The following JPH3 variants were observed in gnomAD, a reference collection of about 807,000 sequenced individuals.
JPH3 encodes junctophilin-3.
Under a neutral mutation model 59.6 loss-of-function variants are expected in JPH3, and 11 were observed. The ratio of observed to expected loss-of-function variants is 0.18; its 90% CI spans 0.12 to 0.31. JPH3 has a LOEUF of 0.31. JPH3 is among the 10% of genes least tolerant of loss of function. The probability of loss-of-function intolerance (pLI) is 1.00; values close to 1 mark genes in which losing one functional copy is unlikely to be tolerated. For missense variants in JPH3, 1,202 were observed against 1,105.7 expected, an observed-to-expected ratio of 1.09 and a Z score of -1.24; for synonymous variants, 673 against 483.6, an observed-to-expected ratio of 1.39 and a Z score of -5.14.
chr16:87,670,736 C>T (rs1173516040), intron 2 of JPH3, among the ~76,000 whole-genome samples: 1 of 152,230 alleles, frequency 6.6e-6, no homozygotes, highest in Non-Finnish European at 1.5e-5. Context: ...TGTGTCACTT[C>T]AACAGGGGCC....
At chr16:87,691,833 G>A (rs576651081) in intron 4 of JPH3, among the ~76,000 whole-genome samples, 24 of 152,126 alleles carry the variant, frequency 1.6e-4, no homozygotes, top group Non-Finnish European at 2.9e-4. Flanking sequence ...CATCGCAGCC[G>A]GAGATGTGTG....
At chr16:87,653,712 A>G (rs2032401197) in intron 2 of JPH3, 2 of 152,228 alleles carry the variant, frequency 1.3e-5, no homozygotes, top group Admixed American at 6.5e-5. Context: ...CATGCCAGTT[A>G]ATGTGATCGT....
chr16:87,628,357 C>T (rs1157902397), intron 1 of JPH3, among the ~76,000 whole-genome samples: 1 of 152,250 alleles, frequency 6.6e-6, no homozygotes, highest in Non-Finnish European at 1.5e-5. Flanking sequence ...CGGTGCCCTC[C>T]CTAGCTGCCG....
chr16:87,658,755 C>G (rs866244197), intron 2 of JPH3, among the ~76,000 whole-genome samples: 5 of 152,232 alleles, frequency 3.3e-5, no homozygotes, highest in African/African-American at 9.6e-5. Flanking sequence ...CTAAGCCCCT[C>G]TCTCCTCCAG....
intron 2 of JPH3, among the ~76,000 whole-genome samples, chr16:87,657,828 TAGCTGCAAGGG>T (rs2032557314): frequency 6.6e-6 from 1 of 152,202 alleles, no homozygotes; most frequent in African/African-American, 2.4e-5. Flanking sequence ...TGACCACACC[TAGCTGCAAGGG>T]AGGCTGGGAA....
At chr16:87,636,435 C>T (rs1370704979) in intron 1 of JPH3, among the ~76,000 whole-genome samples, 3 of 152,190 alleles carry the variant, frequency 2.0e-5, no homozygotes, top group Admixed American at 1.3e-4. Flanking sequence ...TCAATAGCTC[C>T]GTCACAGTGG....
rs114591614 is a variant in JPH3, at chr16:87,665,715, G to T, written c.1161-18427G>T. 4.3e-3 allele frequency among the ~76,000 whole-genome samples: 652 copies of T among 152,288 alleles called. 3 individuals are homozygous for T. Among genetic ancestry groups the T allele is most frequent in the African/African-American group, 0.015 (623 of 41,566 alleles). The stretch of plus-strand genomic sequence containing the variant: ...CCACGGCTCAGCATGGTCTAGAACT[G>T]CCCCCTCTTCCTCCCGGCTGCCCCG... On this transcript the variant is annotated intron_variant, in intron 2 of 4. Coordinates refer to ENST00000284262, the MANE Select transcript of JPH3 (RefSeq NM_020655.4).
intron 2 of JPH3, among the ~76,000 whole-genome samples, chr16:87,677,209 CACA>C: frequency 8.1e-6 from 1 of 123,456 alleles, no homozygotes; most frequent in East Asian, 2.7e-4. Context: ...CACACACACA[CACA>C]CACACACACA....
At chr16:87,626,796 G>A (rs748161139) in intron 1 of JPH3, among the ~76,000 whole-genome samples, 4 of 152,206 alleles carry the variant, frequency 2.6e-5, no homozygotes, top group Non-Finnish European at 5.9e-5. Context: ...GAAGACGTGA[G>A]CTTCACTCAG....
Position 87,661,275 on chromosome 16 carries a change from C to T in JPH3, c.1160+16240C>T, listed in dbSNP as rs999005686. ...ATTATCCACCCAGATAATCCAGGGTCATCTCTCTCTTTCCTGATCCTTAAC... is the reference window on the plus strand; with the variant it reads ...ATTATCCACCCAGATAATCCAGGGTTATCTCTCTCTTTCCTGATCCTTAAC... On this transcript the variant is annotated intron_variant, in intron 2 of 4. Transcript: ENST00000284262. Among the ~76,000 whole-genome samples, 6 of 152,198 alleles carry T rather than the reference C, an allele frequency of 3.9e-5. No homozygotes were observed. In the East Asian group the frequency reaches 1.2e-3, roughly 29 times the overall value.
chr16:87,673,324 A>AC (rs146632920), intron 2 of JPH3, among the ~76,000 whole-genome samples: 12,793 of 151,820 alleles, frequency 0.084, 655 homozygotes, highest in South Asian at 0.16. Context: ...ATTTAAAAAA[A>AC]AAAACTGATC....
In JPH3 at chr16:87,644,698, G is replaced by A. The variant is rs760072867; in HGVS notation, c.823G>A (p.Val275Ile). ...SLGEAEAELA[V>I]IEDDIDATTT... ...GGGCGAGGCTGAGGCCGAGCTGGCG[G>A]TCATCGAGGACGACATCGACGCCAC... Residue 275 changes from valine (V) to isoleucine (I), a missense_variant, in exon 2 of 5, where the codon GTC becomes ATC. Coordinates refer to ENST00000284262, the MANE Select transcript of JPH3 (RefSeq NM_020655.4). 1.9e-6 allele frequency: 3 copies of A among 1,612,250 alleles called. No individual in the cohort carries two copies. The highest frequency in any genetic ancestry group is 2.5e-6 in the Non-Finnish European group (3 of 1,179,918).
chr16:87,681,952 C>T (rs112465220), intron 2 of JPH3, among the ~76,000 whole-genome samples: 17 of 152,098 alleles, frequency 1.1e-4, no homozygotes, highest in African/African-American at 4.1e-4. Context: ...GCAAATCCTC[C>T]TGGAATCTGA....
chr16:87,677,476 AG>A (rs2033181954), intron 2 of JPH3, among the ~76,000 whole-genome samples: 1 of 152,248 alleles, frequency 6.6e-6, no homozygotes, highest in African/African-American at 2.4e-5. Context: ...GCATAAGAAC[AG>A]CTGGGCTGTG....
At chr16:87,694,873 A>G (rs534879381) in intron 4 of JPH3, 26 of 206,916 alleles carry the variant, frequency 1.3e-4, no homozygotes, top group African/African-American at 6.1e-4. Flanking sequence ...CTTCTCACGC[A>G]GCATGCACTG....
intron 2 of JPH3, chr16:87,654,911 T>G (rs1481739701): frequency 1.3e-5 from 2 of 152,254 alleles, no homozygotes; most frequent in Admixed American, 6.5e-5. Flanking sequence ...CCTGGTGGCC[T>G]TCGACAAGAA....
At chr16:87,629,172 C>G (rs188370357) in intron 1 of JPH3, among the ~76,000 whole-genome samples, 5 of 152,276 alleles carry the variant, frequency 3.3e-5, no homozygotes, top group African/African-American at 4.8e-5. Context: ...ATGCCTGCTG[C>G]TGTCTCGGTA....
At chr16:87,675,783 G>A (rs2033128543) in intron 2 of JPH3, among the ~76,000 whole-genome samples, 1 of 152,246 alleles carries the variant, frequency 6.6e-6, no homozygotes, top group Non-Finnish European at 1.5e-5. Context: ...CTGTTCCCCA[G>A]CACTGCTTCT....
At chr16:87,604,520 T>G in intron 1 of JPH3, 1 of 1,285,116 alleles carries the variant, frequency 7.8e-7, no homozygotes, top group South Asian at 1.5e-5. Flanking sequence ...AGGCACTGGG[T>G]CCTCTGCCTC....
Sources: allele counts gnomAD v4.1 joint callset (sites outside exome capture counted in the v4.1 genomes callset), GRCh38; gene constraint gnomAD v4.1.1; transcripts MANE v1.5; gene names NCBI Gene and HGNC (gene_info 2026-07-23, HGNC 2026-07-21).